Variants in TEX14 observed in about 807,000 individuals in gnomAD.
TEX14 encodes the protein testis expressed 14, intercellular bridge forming factor, also known as inactive serine/threonine-protein kinase TEX14.
In TEX14, 168 loss-of-function variants were observed where a neutral mutation model predicts 178.6. The ratio of observed to expected loss-of-function variants is 0.94; its 90% confidence interval spans 0.83 to 1.07. The LOEUF (loss-of-function observed/expected upper bound fraction) is 1.07. TEX14 is among the 50% of genes least tolerant of loss of function. The pLI is 0.00. For synonymous variants in TEX14, 626 were observed against 634.1 expected (o/e 0.99, Z 0.19); for missense variants, 1,730 against 1,753.6 (o/e 0.99, Z 0.24).
intron 5 of TEX14, among the ~76,000 whole-genome samples, chr17:58,619,921 T>C (rs188290064): frequency 6.6e-6 from 1 of 152,060 alleles, no homozygotes; most frequent in African/African-American, 2.4e-5. Context: ...GTAACTAAGA[T>C]TGTAAAAGCT....
At position 58,598,914 on chromosome 17, in the gene TEX14, T is replaced by G; in HGVS notation, c.2431A>C (p.Ser811Arg). ...QLSGGQKPDT[S>R]GNYPTLPRFP... is the part of the protein sequence containing the mutation. ...CTTGGTAGGGTTGGGTAGTTGCCAC[T>G]GGTGTCTGGCTTCTGACCCCCTGAA... Residue 811 changes from serine (S) to arginine (R), a missense_variant, in exon 14 of 32, where the codon AGT (serine) becomes CGT (arginine). Ser to Arg is a moderately radical substitution (Grantham distance 110, BLOSUM62 -1). Around this residue, in one of 2 missense-constraint regions of TEX14, gnomAD observed 941 missense variants for 1,072.4 expected, o/e 0.88. Coordinates refer to ENST00000349033, the MANE Select transcript of TEX14 (RefSeq NM_031272.5). 6.2e-7 allele frequency: 1 copy of G among 1,613,526 alleles called. No individual in the cohort carries two copies. The highest frequency in any genetic ancestry group is 1.7e-5 in the Admixed American group (1 of 59,910).
At chr17:58,592,911 T>C (rs755696715) in intron 15 of TEX14, among the ~76,000 whole-genome samples, 5 of 152,196 alleles carry the variant, frequency 3.3e-5, no homozygotes, top group Non-Finnish European at 7.3e-5. Context: ...TGTATACACA[T>C]GCACGAATAT....
intron 23 of TEX14, among the ~76,000 whole-genome samples, chr17:58,572,488 T>C (rs2044557391): frequency 6.6e-6 from 1 of 151,912 alleles, no homozygotes; most frequent in Non-Finnish European, 1.5e-5. Flanking sequence ...AAACATTAGC[T>C]GGGTGCGGTG....
chr17:58,572,006 T>A lies in TEX14; in HGVS notation c.3632A>T (p.Asp1211Val), dbSNP rs746156882. The A allele has an allele frequency of 6.2e-7, 1 of 1,614,112 alleles. No homozygotes were observed. Among genetic ancestry groups the A allele is most frequent in the Non-Finnish European group, 8.5e-7 (1 of 1,180,008 alleles). ...TGCTCTCTCTCGGACACTTATAAAGTCATCAGACAAAGTTTGAATAAATTC... is the reference window on the plus strand; with the variant it reads ...TGCTCTCTCTCGGACACTTATAAAGACATCAGACAAAGTTTGAATAAATTC... ...SQEFIQTLSD[D>V]FISVRERAKK... The change falls in exon 24 of 32, where the codon GAC (aspartate) becomes GTC (valine). Residue 1211 changes from aspartate (D) to valine (V), a missense_variant. Physicochemically the swap from Asp to Val is radical, Grantham distance 152. Transcript: ENST00000349033.
chr17:58,659,446 T>C, intron 1 of TEX14: 1 of 393,966 alleles, frequency 2.5e-6, no homozygotes, highest in Non-Finnish European at 3.5e-6. Context: ...ACACCTTCTT[T>C]GGTATTCGCT....
intron 11 of TEX14, 76 bp from the exon 12 acceptor site, chr17:58,602,666 A>T: frequency 8.0e-7 from 1 of 1,248,674 alleles, no homozygotes; most frequent in South Asian, 1.4e-5. Flanking sequence ...AATCAGATGA[A>T]GCTGGGTAAC....
At chr17:58,666,829 T>G (rs1567767971) in intron 1 of TEX14, 1 of 152,206 alleles carries the variant, frequency 6.6e-6, no homozygotes, top group African/African-American at 2.4e-5. Context: ...TTATACTATA[T>G]CTTGGTGTTG....
At chr17:58,593,466 C>T in intron 15 of TEX14, 89 bp downstream of exon 15, 1 of 985,782 alleles carries the variant, frequency 1.0e-6, no homozygotes, top group Admixed American at 1.9e-5. Flanking sequence ...CCTTTTGTCA[C>T]TAGACATAAG....
intron 2 of TEX14, chr17:58,631,042 G>GA (rs1021959484): frequency 2.0e-4 from 71 of 361,862 alleles, no homozygotes; most frequent in African/African-American, 2.9e-4. Context: ...AAAAGGGACT[G>GA]AAAAAAAAGG....
chr17:58,639,131 C>T (rs566387024), intron 2 of TEX14, among the ~76,000 whole-genome samples: 1 of 151,878 alleles, frequency 6.6e-6, no homozygotes, highest in African/African-American at 2.4e-5. Flanking sequence ...TCTCAAAGTG[C>T]TGGGATTACA....
rs1171739705 is a variant in TEX14, at chr17:58,594,404, G to A, written c.2470-743C>T. On this transcript the variant is annotated intron_variant, in intron 14 of 31. Coordinates refer to ENST00000349033, the MANE Select transcript of TEX14 (RefSeq NM_031272.5). ...CTCACTCTGTTGCCCAGACTGGAGT[G>A]CAGTAGCCTGGTCTCGGCTCACTGC... Among the ~76,000 whole-genome samples, 4 of 150,248 alleles carry A rather than the reference G, an allele frequency of 2.7e-5. No individual in the cohort carries two copies. In the East Asian group the frequency reaches 7.8e-4, roughly 29 times the overall value.
intron 1 of TEX14, among the ~76,000 whole-genome samples, chr17:58,658,763 G>A (rs2047021995): frequency 6.6e-6 from 1 of 151,960 alleles, no homozygotes; most frequent in African/African-American, 2.4e-5. Flanking sequence ...AACTACAAGG[G>A]ATGAGGTACT....
At position 58,577,375 on chromosome 17, in the gene TEX14, C is replaced by G; in HGVS notation, c.3320G>C (p.Ser1107Thr). 7.2e-7 allele frequency: 1 copy of G among 1,396,432 alleles called. No homozygotes were observed. The highest frequency in any genetic ancestry group is 9.7e-7 in the Non-Finnish European group (1 of 1,033,544). 86.5% of individuals were successfully genotyped at this position (1,396,432 alleles called of 1,614,324 possible). Residue 1107 changes from serine (S) to threonine (T), a missense_variant and splice_region_variant, in exon 21 of 32, where the codon AGT (serine) becomes ACT (threonine). Ser to Thr is a moderately conservative substitution (Grantham distance 58). Around this residue, in one of 2 missense-constraint regions of TEX14, gnomAD observed 941 missense variants for 1,072.4 expected, o/e 0.88. Coordinates refer to ENST00000349033, the MANE Select transcript of TEX14 (RefSeq NM_031272.5). Reference protein sequence around the residue: ...LPRSQFQPVRSTEDEQEETSK... With the variant: ...LPRSQFQPVRTTEDEQEETSK... Reference sequence around the variant, plus strand: ...TGCATAAGATAATAATAGCCCATACCTTCGTACAGGTTGAAATTGAGACCT... The same window carrying G: ...TGCATAAGATAATAATAGCCCATACGTTCGTACAGGTTGAAATTGAGACCT...
At chr17:58,615,672 C>T (rs1714191167) in intron 7 of TEX14, among the ~76,000 whole-genome samples, 1 of 152,086 alleles carries the variant, frequency 6.6e-6, no homozygotes, top group Non-Finnish European at 1.5e-5. Context: ...GTTAGGAGAC[C>T]ACCCCAGGTG....
At chr17:58,609,093 G>A (rs302848) in intron 10 of TEX14, among the ~76,000 whole-genome samples, 96,827 of 152,032 alleles carry the variant, frequency 0.64, 31,199 homozygotes, top group African/African-American at 0.71. Flanking sequence ...TCATGGCTCC[G>A]GTCATACCCT....
chr17:58,673,380 G>A (rs938377074), intron 1 of TEX14, among the ~76,000 whole-genome samples: 2 of 151,792 alleles, frequency 1.3e-5, no homozygotes, highest in Admixed American at 6.6e-5. Flanking sequence ...CTACTCAGGA[G>A]GCTGAGGCAG....
intron 1 of TEX14, chr17:58,660,331 G>A (rs2047082365): frequency 4.7e-6 from 1 of 213,780 alleles, no homozygotes. Flanking sequence ...AATCCAGGAG[G>A]TGGAGGTTGC....
chr17:58,678,818 T>TATAATAATAATAATA (rs56142259), intron 1 of TEX14, among the ~76,000 whole-genome samples: 4,293 of 137,240 alleles, frequency 0.031, 94 homozygotes, highest in East Asian at 0.058. Context: ...GAACTTAAAG[T>TATAATAATAATAATA]ATAATAATAA....
At chr17:58,564,836 A>T in intron 28 of TEX14, 33 bp downstream of exon 28, 1 of 1,323,336 alleles carries the variant, frequency 7.6e-7, no homozygotes, top group Non-Finnish European at 1.0e-6. Context: ...ACAATTTTTT[A>T]AATCCTTTCA....
Sources: gnomAD v4.1 joint callset for allele counts (sites outside exome capture counted in the v4.1 genomes callset) on GRCh38, gnomAD v4.1.1 for gene constraint, gnomAD v4.1.1 regional missense constraint, MANE v1.5 for transcripts, NCBI Gene and HGNC (gene_info 2026-07-23, HGNC 2026-07-21) for gene names.